The following RBFOX1 variants were observed in gnomAD, a reference collection of about 807,000 sequenced individuals.
The protein encoded by RBFOX1 is RNA binding protein fox-1 homolog 1.
A neutral mutation model predicts 57.7 loss-of-function variants in RBFOX1; 8 were observed. The observed-to-expected ratio is 0.14, with a 90% confidence interval of 0.08 to 0.25. RBFOX1 has a LOEUF of 0.25. Ranked by LOEUF, RBFOX1 falls within the 10% of genes least tolerant of loss-of-function variation. The pLI, the probability that RBFOX1 is intolerant of heterozygous loss-of-function variation, is 1.00. For synonymous variants in RBFOX1, 326 were observed against 222.4 expected, an observed-to-expected ratio of 1.47 and a Z score of -4.15; for missense variants, 611 against 548.5, an observed-to-expected ratio of 1.11 and a Z score of -1.14.
At chr16:6,354,595 C>T (rs2086958976) in intron 2 of RBFOX1, among the ~76,000 whole-genome samples, 1 of 152,174 alleles carries the variant, frequency 6.6e-6, no homozygotes, top group African/African-American at 2.4e-5. Context: ...TGGCTCATTC[C>T]CCTTCTGTTT....
At chr16:5,620,987 C>A (rs1021526165) in intron 3 of RBFOX1, among the ~76,000 whole-genome samples, 2 of 152,048 alleles carry the variant, frequency 1.3e-5, no homozygotes, top group African/African-American at 4.8e-5. Flanking sequence ...ACTATAGACG[C>A]TCGCCACCAC....
intron 4 of RBFOX1, among the ~76,000 whole-genome samples, chr16:7,087,102 G>C (rs181758260): frequency 5.9e-5 from 9 of 152,154 alleles, no homozygotes; most frequent in Non-Finnish European, 8.8e-5. Flanking sequence ...AATGAGTCTG[G>C]GGAGGCCTTG....
intron 3 of RBFOX1, among the ~76,000 whole-genome samples, chr16:5,753,929 A>G (rs2053305392): frequency 6.6e-6 from 1 of 151,932 alleles, no homozygotes; most frequent in South Asian, 2.1e-4. Context: ...TTCTGTGTCC[A>G]TCCCCCACTC....
At chr16:5,268,438 C>G (rs1335811102) in intron 1 of RBFOX1, among the ~76,000 whole-genome samples, 1 of 152,210 alleles carries the variant, frequency 6.6e-6, no homozygotes, top group South Asian at 2.1e-4. Flanking sequence ...ATTTCAAAGA[C>G]AGTGGATAAA....
At chr16:5,246,156 C>T (rs1160008249) in intron 1 of RBFOX1, among the ~76,000 whole-genome samples, 2 of 151,776 alleles carry the variant, frequency 1.3e-5, no homozygotes, top group African/African-American at 2.4e-5. Flanking sequence ...GCAGGAGAAT[C>T]ATTTGAACCT....
rs372551624 is a variant in RBFOX1 at position 5,303,389 on chromosome 16, T to C, written c.219+63284T>C. Among the ~76,000 whole-genome samples, 12 of 152,218 alleles carry C rather than the reference T, an allele frequency of 7.9e-5. No homozygotes were observed. In the South Asian group the frequency reaches 1.7e-3, roughly 21 times the overall value. ...TGCAGTAAATGCTAGTCTTTTGGAGTCTGTATTTCAGTTCCACGGTCAAGC... is the reference window on the plus strand; with the variant it reads ...TGCAGTAAATGCTAGTCTTTTGGAGCCTGTATTTCAGTTCCACGGTCAAGC... On this transcript the variant is annotated intron_variant, in intron 1 of 2. Coordinates refer to the RBFOX1 transcript ENST00000585867.
chr16:5,356,747 G>C (rs1044047880), intron 1 of RBFOX1, among the ~76,000 whole-genome samples: 3 of 152,192 alleles, frequency 2.0e-5, no homozygotes, highest in African/African-American at 4.8e-5. Context: ...GAATGCCTTG[G>C]AAATCACTAG....
chr16:6,597,102 T>C (rs964656829), intron 2 of RBFOX1, among the ~76,000 whole-genome samples: 2 of 152,172 alleles, frequency 1.3e-5, no homozygotes, highest in African/African-American at 4.8e-5. Context: ...TGTGTTCTGT[T>C]CTTTTTCTGG....
Position 7,379,080 on chromosome 16 carries a change from G to A in RBFOX1, c.28-139067G>A, listed in dbSNP as rs181509744. Among the ~76,000 whole-genome samples, 24 of 152,260 alleles carry A rather than the reference G, an allele frequency of 1.6e-4. No individual in the cohort carries two copies. In the East Asian group the frequency reaches 4.1e-3, roughly 26 times the overall value. On this transcript the variant is annotated intron_variant, in intron 4 of 15. Transcript: ENST00000550418. ...TTATCTCATAGAAATGTAGTACTGG[G>A]TATGTTTCTGGCCAGTCATAAACAT...
intron 1 of RBFOX1, among the ~76,000 whole-genome samples, chr16:6,287,008 C>G (rs753309376): frequency 6.6e-6 from 1 of 151,830 alleles, no homozygotes. Context: ...TTAGGTGAGT[C>G]TGAAACTCAA....
chr16:6,334,592 C>T (rs1034038366), intron 2 of RBFOX1, among the ~76,000 whole-genome samples: 3 of 151,714 alleles, frequency 2.0e-5, no homozygotes, highest in African/African-American at 4.8e-5. Context: ...TAGATTTAGG[C>T]ACTCTTCACA....
intron 1 of RBFOX1, among the ~76,000 whole-genome samples, chr16:5,282,119 C>G (rs754146584): frequency 2.6e-5 from 4 of 152,160 alleles, no homozygotes; most frequent in African/African-American, 9.7e-5. Context: ...GTGAATCAGT[C>G]TCATGAGATC....
At chr16:7,248,488 C>G (rs1204927250) in intron 4 of RBFOX1, among the ~76,000 whole-genome samples, 3 of 152,204 alleles carry the variant, frequency 2.0e-5, no homozygotes, top group African/African-American at 7.2e-5. Flanking sequence ...CACGCTTACA[C>G]TTGCTGGCTT....
intron 4 of RBFOX1, among the ~76,000 whole-genome samples, chr16:5,918,478 A>T (rs2058754818): frequency 1.3e-5 from 2 of 152,160 alleles, no homozygotes; most frequent in African/African-American, 4.8e-5. Context: ...CAGAGCATGC[A>T]CCTAGTTCCG....
intron 4 of RBFOX1, among the ~76,000 whole-genome samples, chr16:7,186,994 C>CAAAAAAAAAAAAAAAAAAAAAAA (rs35177784): frequency 4.3e-5 from 3 of 69,260 alleles, no homozygotes; most frequent in African/African-American, 1.9e-4. Context: ...CCCACCTCCA[C>CAAAAAAAAAAAAAAAAAAAAAAA]AAAAAAAAAA....
At chr16:5,918,370 T>A (rs1296139261) in intron 4 of RBFOX1, among the ~76,000 whole-genome samples, 1 of 152,210 alleles carries the variant, frequency 6.6e-6, no homozygotes, top group Non-Finnish European at 1.5e-5. Context: ...TCCACTCGCC[T>A]TCGCCTCCCA....
intron 2 of RBFOX1, among the ~76,000 whole-genome samples, chr16:6,567,056 C>T (rs935372141): frequency 2.4e-4 from 36 of 152,272 alleles, no homozygotes; most frequent in African/African-American, 8.7e-4. Context: ...TGGTCAGACT[C>T]TTCCATAACT....
chr16:7,136,333 C>G (rs1047913066), intron 4 of RBFOX1, among the ~76,000 whole-genome samples: 1 of 152,004 alleles, frequency 6.6e-6, no homozygotes, highest in African/African-American at 2.4e-5. Flanking sequence ...CCAATGACCC[C>G]CCTGTGACTA....
chr16:6,382,121 A>G (rs571017319), intron 2 of RBFOX1, among the ~76,000 whole-genome samples: 2 of 152,204 alleles, frequency 1.3e-5, no homozygotes, highest in Admixed American at 6.5e-5. Flanking sequence ...TTATTTATGG[A>G]TGCAGAAATT....
Sources: allele counts gnomAD v4.1 joint callset (sites outside exome capture counted in the v4.1 genomes callset), GRCh38; gene constraint gnomAD v4.1.1; transcripts MANE v1.5; gene names NCBI Gene and HGNC (gene_info 2026-07-23, HGNC 2026-07-21).